Variants in PDE8A observed in about 807,000 individuals in gnomAD.
PDE8A encodes phosphodiesterase 8A.
PDE8A carries 59 observed loss-of-function variants against 105.0 expected under a neutral mutation model. The ratio of observed to expected loss-of-function variants is 0.56; its 90% CI spans 0.46 to 0.70. The LOEUF (loss-of-function observed/expected upper bound fraction) is 0.70. PDE8A is among the 30% of genes least tolerant of loss of function. The pLI, the probability that PDE8A is intolerant of heterozygous loss-of-function variation, is 0.00. For missense variants in PDE8A, 1,014 were observed against 1,045.9 expected (o/e 0.97, Z 0.42); for synonymous variants, 355 against 371.9 (o/e 0.95, Z 0.52).
intron 1 of PDE8A, among the ~76,000 whole-genome samples, chr15:85,035,419 A>G (rs553168111): frequency 1.3e-4 from 20 of 152,052 alleles, no homozygotes; most frequent in African/African-American, 3.6e-4. Flanking sequence ...CATGTTAGCC[A>G]GGCTGGTCTC....
At chr15:85,018,262 G>A (rs1226737927) in intron 1 of PDE8A, among the ~76,000 whole-genome samples, 1 of 152,178 alleles carries the variant, frequency 6.6e-6, no homozygotes, top group Non-Finnish European at 1.5e-5. Flanking sequence ...AAATAGTCAT[G>A]TAGATAAACT....
chr15:85,044,236 A>G (rs891586547), intron 1 of PDE8A, among the ~76,000 whole-genome samples: 1 of 152,182 alleles, frequency 6.6e-6, no homozygotes, highest in Non-Finnish European at 1.5e-5. Context: ...GGAAAAAAGG[A>G]TGTGCATGAT....
intron 8 of PDE8A, among the ~76,000 whole-genome samples, chr15:85,094,542 A>G (rs949131393): frequency 2.0e-5 from 3 of 152,140 alleles, no homozygotes; most frequent in Admixed American, 1.3e-4. Context: ...TCCTACTATC[A>G]TCTTAATTGT....
At chr15:85,124,911 G>T (rs2082236619) in intron 19 of PDE8A, among the ~76,000 whole-genome samples, 1 of 152,164 alleles carries the variant, frequency 6.6e-6, no homozygotes, top group Non-Finnish European at 1.5e-5. Flanking sequence ...TAACATTATG[G>T]TTCTCATCTC....
intron 1 of PDE8A, among the ~76,000 whole-genome samples, chr15:85,009,104 AGAGAGAGTGT>A (rs1176096189): frequency 1.3e-3 from 186 of 142,478 alleles, no homozygotes; most frequent in Middle Eastern, 7.8e-3. Flanking sequence ...AGAGAGAGAG[AGAGAGAGTGT>A]GTGTGTGTGT....
intron 1 of PDE8A, among the ~76,000 whole-genome samples, chr15:85,045,959 A>G (rs977580845): frequency 6.6e-6 from 1 of 152,128 alleles, no homozygotes; most frequent in African/African-American, 2.4e-5. Context: ...ACCCCAGGAT[A>G]ACTTTCTGTT....
chr15:85,015,244 C>CT (rs71138359), intron 1 of PDE8A, among the ~76,000 whole-genome samples: 103,843 of 149,618 alleles, frequency 0.69, 36,297 homozygotes, highest in Non-Finnish European at 0.76. Flanking sequence ...GTGCATAAGT[C>CT]TTTTTTTTTT....
intron 2 of PDE8A, among the ~76,000 whole-genome samples, 186 bp from the exon 3 acceptor site, chr15:85,066,828 C>T (rs932046213): frequency 6.6e-6 from 1 of 152,032 alleles, no homozygotes; most frequent in Non-Finnish European, 1.5e-5. Flanking sequence ...GGCCCAACTA[C>T]TCGGCAGGGC....
At chr15:85,123,225 G>T in intron 19 of PDE8A, 32 bp downstream of exon 19, 1 of 1,610,732 alleles carries the variant, frequency 6.2e-7, no homozygotes, top group Non-Finnish European at 8.5e-7. Flanking sequence ...GAGAACCTGT[G>T]TTTGGGGTCC....
At chr15:85,086,681 C>A (rs2081557959) in intron 6 of PDE8A, among the ~76,000 whole-genome samples, 1 of 152,160 alleles carries the variant, frequency 6.6e-6, no homozygotes, top group Non-Finnish European at 1.5e-5. Context: ...GGGCTTCTCA[C>A]AGATCCATCT....
At chr15:85,102,777 T>G (rs2081885834) in intron 11 of PDE8A, among the ~76,000 whole-genome samples, 1 of 148,936 alleles carries the variant, frequency 6.7e-6, no homozygotes, top group Non-Finnish European at 1.5e-5. Flanking sequence ...AGGCTGAGGT[T>G]GTGGTGAGCC....
At chr15:85,021,591 T>C (rs932543520) in intron 1 of PDE8A, among the ~76,000 whole-genome samples, 7 of 152,120 alleles carry the variant, frequency 4.6e-5, no homozygotes, top group Non-Finnish European at 7.4e-5. Flanking sequence ...CTAAGGTATT[T>C]TGTTATAGCA....
chr15:85,101,673 G>T (rs192089943), intron 11 of PDE8A, among the ~76,000 whole-genome samples: 1 of 152,126 alleles, frequency 6.6e-6, no homozygotes, highest in Non-Finnish European at 1.5e-5. Flanking sequence ...CCAGAGAGAA[G>T]AATACCAGCA....
Position 85,067,141 on chromosome 15 carries a change from A to G in PDE8A, c.371A>G (p.His124Arg), listed in dbSNP as rs2081242302. 1 of 1,614,024 alleles carries G rather than the reference A, an allele frequency of 6.2e-7. No individual in the cohort carries two copies. Among genetic ancestry groups the G allele is most frequent in the Non-Finnish European group, 8.5e-7 (1 of 1,179,988 alleles). ...QAVLACFLDK[H>R]HDIIIIDHRN... is the part of the protein sequence containing the mutation. ...GTCCTTGCCTGTTTCCTGGACAAAC[A>G]TCATGACATTATCATCATAGACCAC... The change falls in exon 3 of 22, where the codon CAT (histidine) becomes CGT (arginine). Residue 124 changes from histidine (H) to arginine (R), a missense_variant. Transcript: ENST00000394553.
intron 1 of PDE8A, among the ~76,000 whole-genome samples, chr15:85,010,692 C>CT (rs1289941438): frequency 6.6e-6 from 1 of 152,178 alleles, no homozygotes; most frequent in Admixed American, 6.5e-5. Context: ...AGGGAACAGT[C>CT]TTTTTTTCTG....
chr15:85,095,405 G>C (rs12914463), intron 8 of PDE8A, among the ~76,000 whole-genome samples: 31,482 of 152,036 alleles, frequency 0.21, 4,298 homozygotes, highest in Middle Eastern at 0.32. Context: ...GTGCAGTGGG[G>C]TGATATCGGC....
Position 85,029,332 on chromosome 15 carries a change from C to A in PDE8A, c.187-35038C>A, listed in dbSNP as rs377512821. 3.0e-4 allele frequency among the ~76,000 whole-genome samples: 45 copies of A among 151,308 alleles called. No individual in the cohort carries two copies. The East Asian group carries it at 4.9e-3, about 16-fold the overall frequency. On this transcript the variant is annotated intron_variant, in intron 1 of 21. Coordinates refer to ENST00000394553, the MANE Select transcript of PDE8A (RefSeq NM_002605.3). ...AGTGTTGGCTACCGTCGGAAACTTA[C>A]ATCTCTTTCCTGTTTTCAATGCCTT...
chr15:85,098,977 A>T (rs937153754), intron 9 of PDE8A, among the ~76,000 whole-genome samples: 21 of 152,200 alleles, frequency 1.4e-4, no homozygotes, highest in Non-Finnish European at 2.2e-4. Context: ...AAAAAAATAA[A>T]ATATGAGAAA....
At chr15:84,982,448 C>T in intron 1 of PDE8A, 100 bp downstream of exon 1, 2 of 667,626 alleles carry the variant, frequency 3.0e-6, no homozygotes, top group South Asian at 3.9e-5. Context: ...CACCCGGCCT[C>T]GGTGCCCTCT....
Sources: allele counts gnomAD v4.1 joint callset (sites outside exome capture counted in the v4.1 genomes callset), GRCh38; gene constraint gnomAD v4.1.1; transcripts MANE v1.5; gene names NCBI Gene and HGNC (gene_info 2026-07-23, HGNC 2026-07-21).